PLD5: variants seen among roughly 807,000 people sequenced by gnomAD.
PLD5 encodes inactive phospholipase D5.
In PLD5, 36 loss-of-function variants were observed where a neutral mutation model predicts 61.1. That is an observed-to-expected ratio of 0.59 (90% CI 0.45 to 0.78). The LOEUF (loss-of-function observed/expected upper bound fraction) is 0.78, where lower values mean the gene tolerates loss of function less well. PLD5 is among the 30% of genes least tolerant of loss of function. The probability of loss-of-function intolerance (pLI) is 0.00; values close to 1 mark genes in which losing one functional copy is unlikely to be tolerated. For synonymous variants in PLD5, 243 were observed against 242.8 expected, an observed-to-expected ratio of 1.00 and a Z score of -0.01; for missense variants, 515 against 644.4, an observed-to-expected ratio of 0.80 and a Z score of 2.17.
chr1:242,523,392 A>G (rs2103014629), intron 1 of PLD5, among the ~76,000 whole-genome samples: 1 of 151,974 alleles, frequency 6.6e-6, no homozygotes, highest in Non-Finnish European at 1.5e-5. Context: ...TCAACTCCAG[A>G]GCCAATTCAC....
At chr1:242,468,349 G>A (rs1402870036) in intron 1 of PLD5, among the ~76,000 whole-genome samples, 1 of 152,152 alleles carries the variant, frequency 6.6e-6, no homozygotes, top group East Asian at 1.9e-4. Context: ...ATGCCAGCCA[G>A]ATACGTAAAT....
chr1:242,336,896 G>A (rs769513947), intron 2 of PLD5, among the ~76,000 whole-genome samples: 2 of 152,144 alleles, frequency 1.3e-5, no homozygotes, highest in East Asian at 1.9e-4. Context: ...TGACCTATAC[G>A]TTTCTCTGTT....
At chr1:242,494,091 T>TCCCCTCTCCTCCCCTCTCC (rs1668276643) in intron 1 of PLD5, among the ~76,000 whole-genome samples, 1 of 62,314 alleles carries the variant, frequency 1.6e-5, no homozygotes, top group African/African-American at 7.0e-5. Context: ...CTGCCCTCCC[T>TCCCCTCTCCTCCCCTCTCC]TCCCCTCTCC....
intron 2 of PLD5, among the ~76,000 whole-genome samples, chr1:242,328,948 C>T (rs1218155067): frequency 6.6e-6 from 1 of 152,054 alleles, no homozygotes; most frequent in East Asian, 1.9e-4. Flanking sequence ...GGTTTTCTTC[C>T]TACTCCTATT....
rs76658972 is a variant in PLD5, at chr1:242,455,628, T to C, written c.189+68460A>G. On this transcript the variant is annotated intron_variant, in intron 1 of 9. Coordinates refer to ENST00000536534, the MANE Select transcript of PLD5 (RefSeq NM_001372062.1). ...AGAAAAGTGATTATCCTTCAATTTG[T>C]AGGCAATGAAGTAGGCGCTTATATG... Among the ~76,000 whole-genome samples the C allele has an allele frequency of 6.5e-3, 986 of 152,332 alleles. 15 individuals carry two copies. The highest frequency in any genetic ancestry group is 0.022 in the African/African-American group (934 of 41,568).
chr1:242,322,798 C>A (rs1171236075), intron 2 of PLD5, among the ~76,000 whole-genome samples: 2 of 152,224 alleles, frequency 1.3e-5, no homozygotes, highest in African/African-American at 2.4e-5. Flanking sequence ...GAGGTCTCCC[C>A]AGCCATGCAG....
chr1:242,333,439 T>C (rs1659311845), intron 2 of PLD5, among the ~76,000 whole-genome samples: 1 of 152,124 alleles, frequency 6.6e-6, no homozygotes, highest in East Asian at 1.9e-4. Flanking sequence ...AAGGTCTCTG[T>C]CTTCTGGGCA....
intron 5 of PLD5, among the ~76,000 whole-genome samples, chr1:242,167,078 G>GTAATAATAA (rs377540462): frequency 6.8e-5 from 4 of 58,664 alleles, no homozygotes; most frequent in African/African-American, 3.0e-4. Flanking sequence ...AATAATAATA[G>GTAATAATAA]TAATAATAAT....
chr1:242,395,008 T>TATATATGTATATACGA (rs1553366906), intron 1 of PLD5, among the ~76,000 whole-genome samples: 1 of 108,006 alleles, frequency 9.3e-6, no homozygotes, highest in Admixed American at 1.1e-4. Context: ...TATATATGAA[T>TATATATGTATATACGA]ATATATGAAT....
At chr1:242,236,169 G>T (rs1192116438) in intron 4 of PLD5, among the ~76,000 whole-genome samples, 2 of 152,140 alleles carry the variant, frequency 1.3e-5, no homozygotes, top group Non-Finnish European at 2.9e-5. Flanking sequence ...AAGGAAGTGG[G>T]TCTTCACCAG....
rs2841908 is a variant in PLD5, at chr1:242,283,613, C to T, written c.495+4749G>A. On this transcript the variant is annotated intron_variant, in intron 3 of 9. Coordinates refer to ENST00000536534, the MANE Select transcript of PLD5 (RefSeq NM_001372062.1). ...TGACACATTTTTTTATCACACGTAT[C>T]TGTGAAGGATAGTGTTTGGCACCAG... Among the ~76,000 whole-genome samples the T allele has an allele frequency of 4.6e-5, 7 of 152,138 alleles. 1 individual carries two copies. Among genetic ancestry groups the T allele is most frequent in the Non-Finnish European group, 1.0e-4 (7 of 68,038 alleles).
intron 1 of PLD5, among the ~76,000 whole-genome samples, chr1:242,513,783 CT>C (rs1007660531): frequency 2.1e-4 from 32 of 152,334 alleles, no homozygotes; most frequent in African/African-American, 7.7e-4. Context: ...GGAATTTTCC[CT>C]GTTCATTCTT....
chr1:242,163,175 A>G (rs34256312), intron 5 of PLD5, among the ~76,000 whole-genome samples: 12,664 of 139,396 alleles, frequency 0.091, 746 homozygotes, highest in South Asian at 0.22. Flanking sequence ...ACGGAGTCTC[A>G]CTCTGTCACC....
intron 2 of PLD5, among the ~76,000 whole-genome samples, chr1:242,298,872 G>C (rs1341648273): frequency 6.6e-6 from 1 of 151,852 alleles, no homozygotes; most frequent in Non-Finnish European, 1.5e-5. Context: ...ACTTGAGGAG[G>C]ATGAAGACAA....
intron 1 of PLD5, among the ~76,000 whole-genome samples, chr1:242,433,441 T>A (rs1293866482): frequency 5.3e-5 from 8 of 152,246 alleles, no homozygotes; most frequent in Non-Finnish European, 1.2e-4. Flanking sequence ...GCTCCCTTTT[T>A]ATGCAAATAC....
At chr1:242,524,046 G>C in intron 1 of PLD5, 42 bp downstream of exon 1, 2 of 1,515,628 alleles carry the variant, frequency 1.3e-6, no homozygotes, top group Non-Finnish European at 1.8e-6. Context: ...GGTGCATGCG[G>C]CAGGTGCCTG....
chr1:242,113,767 G>T, intron 7 of PLD5, 123 bp downstream of exon 7: 1 of 1,195,410 alleles, frequency 8.4e-7, no homozygotes, highest in Non-Finnish European at 1.1e-6. Flanking sequence ...AGCAATGAAT[G>T]GTGTGCTCTT....
intron 3 of PLD5, among the ~76,000 whole-genome samples, chr1:242,273,766 G>A (rs1674248267): frequency 6.6e-6 from 1 of 152,154 alleles, no homozygotes; most frequent in Non-Finnish European, 1.5e-5. Flanking sequence ...ATAAGAGATG[G>A]GCAAAAGGGG....
chr1:242,389,714 C>G (rs959207915), intron 1 of PLD5, among the ~76,000 whole-genome samples: 1 of 151,980 alleles, frequency 6.6e-6, no homozygotes, highest in Non-Finnish European at 1.5e-5. Context: ...TTCATCCACT[C>G]CAGCAGCCTC....
Sources: gnomAD v4.1 joint callset for allele counts (sites outside exome capture counted in the v4.1 genomes callset) on GRCh38, gnomAD v4.1.1 for gene constraint, MANE v1.5 for transcripts, NCBI Gene and HGNC (gene_info 2026-07-23, HGNC 2026-07-21) for gene names.